The following ASTN1 variants were observed in gnomAD, a reference collection of about 807,000 sequenced individuals.
ASTN1 encodes the protein astrotactin-1.
In ASTN1, 41 loss-of-function variants were observed where a neutral mutation model predicts 140.7. The observed-to-expected ratio is 0.29, with a 90% CI of 0.23 to 0.38. ASTN1 has a LOEUF of 0.38. Ranked by LOEUF, ASTN1 falls within the 10% of genes least tolerant of loss-of-function variation. The pLI is 1.00. For missense variants in ASTN1, 1,479 were observed against 1,678.8 expected (o/e 0.88, Z 2.08); for synonymous variants, 640 against 652.2 (o/e 0.98, Z 0.29).
intron 16 of ASTN1, among the ~76,000 whole-genome samples, chr1:176,915,992 G>A (rs958807724): frequency 6.6e-6 from 1 of 152,208 alleles, no homozygotes; most frequent in African/African-American, 2.4e-5. Context: ...CCCATTCTCA[G>A]TCTTTCACCC....
chr1:177,039,183 G>A (rs1453240722), intron 2 of ASTN1, among the ~76,000 whole-genome samples: 1 of 152,176 alleles, frequency 6.6e-6, no homozygotes, highest in African/African-American at 2.4e-5. Context: ...TACCTTAGGA[G>A]TAAGAAGAAG....
At chr1:177,071,949 C>T (rs1434039718) in intron 1 of ASTN1, among the ~76,000 whole-genome samples, 1 of 152,118 alleles carries the variant, frequency 6.6e-6, no homozygotes, top group African/African-American at 2.4e-5. Context: ...CTTGCAAAGG[C>T]CTTTCTTCTA....
chr1:176,945,405 G>T (rs1044290939), intron 13 of ASTN1, among the ~76,000 whole-genome samples: 1 of 151,820 alleles, frequency 6.6e-6, no homozygotes, highest in Non-Finnish European at 1.5e-5. Context: ...TATATTTTTT[G>T]CAAATTTAAA....
intron 16 of ASTN1, among the ~76,000 whole-genome samples, chr1:176,913,669 C>G (rs1376111578): frequency 6.6e-6 from 1 of 152,212 alleles, no homozygotes; most frequent in Admixed American, 6.5e-5. Flanking sequence ...TGGAAGAATG[C>G]TCTGATAAAG....
At chr1:176,940,626 G>GCTATA (rs1429497214) in intron 14 of ASTN1, among the ~76,000 whole-genome samples, 1 of 152,112 alleles carries the variant, frequency 6.6e-6, no homozygotes, top group Non-Finnish European at 1.5e-5. Flanking sequence ...AGTGATGACG[G>GCTATA]CTATAGCAAA....
At chr1:176,966,104 G>A (rs1405063008) in intron 8 of ASTN1, among the ~76,000 whole-genome samples, 1 of 152,162 alleles carries the variant, frequency 6.6e-6, no homozygotes, top group Non-Finnish European at 1.5e-5. Context: ...CACACACTAG[G>A]TGGATTTAGC....
intron 7 of ASTN1, among the ~76,000 whole-genome samples, chr1:177,017,933 G>A (rs1183263160): frequency 1.3e-5 from 2 of 152,128 alleles, no homozygotes; most frequent in African/African-American, 4.8e-5. Context: ...TGAAGCTAGG[G>A]GTCCTCAGAC....
intron 1 of ASTN1, among the ~76,000 whole-genome samples, chr1:177,097,421 C>T (rs573795917): frequency 1.8e-4 from 28 of 152,096 alleles, no homozygotes; most frequent in Non-Finnish European, 3.8e-4. Flanking sequence ...CCAGTCCCAC[C>T]GTCTATTGAC....
chr1:176,921,102 G>A (rs946423435), intron 16 of ASTN1, among the ~76,000 whole-genome samples: 3 of 152,200 alleles, frequency 2.0e-5, no homozygotes, highest in African/African-American at 7.2e-5. Context: ...TCGTAGAGTA[G>A]ATGGCCATTA....
At chr1:177,142,478 C>T (rs1484434466) in intron 1 of ASTN1, among the ~76,000 whole-genome samples, 3 of 152,104 alleles carry the variant, frequency 2.0e-5, no homozygotes, top group Non-Finnish European at 2.9e-5. Context: ...GGAAAAAGTA[C>T]TTCAGAATCC....
At chr1:176,928,644 C>T (rs1196472422) in intron 16 of ASTN1, among the ~76,000 whole-genome samples, 2 of 152,100 alleles carry the variant, frequency 1.3e-5, no homozygotes, top group Non-Finnish European at 2.9e-5. Context: ...TCACATGCCC[C>T]AAGGCTTGGA....
Position 177,050,057 on chromosome 1 carries a change from T to C in ASTN1, c.471+11021A>G, listed in dbSNP as rs572641344. 1.3e-5 allele frequency among the ~76,000 whole-genome samples: 2 copies of C among 152,322 alleles called. 1 individual carries two copies. The highest frequency in any genetic ancestry group is 4.8e-5 in the African/African-American group (2 of 41,564). On this transcript the variant is annotated intron_variant, in intron 2 of 22. Transcript: ENST00000361833. The stretch of plus-strand genomic sequence containing the variant: ...AGAGCTCTTCTAAGTTGGTTATGTG[T>C]GATAGTTTACCTCACGTAAGAATGT...
In ASTN1 at chr1:177,164,525, T is replaced by C; in HGVS notation, c.152A>G (p.Asn51Ser). 7 of 1,613,460 alleles carry C rather than the reference T, an allele frequency of 4.3e-6. No individual in the cohort carries two copies. The highest frequency in any genetic ancestry group is 5.9e-6 in the Non-Finnish European group (7 of 1,179,892). Residue 51 changes from asparagine (N) to serine (S), a missense_variant, in exon 1 of 23, where the codon AAC becomes AGC. Asn to Ser is a conservative substitution (Grantham distance 46). Around this residue, in one of 3 missense-constraint regions of ASTN1, gnomAD observed 729 missense variants for 860.4 expected, o/e 0.85. Coordinates refer to ENST00000361833, the MANE Select transcript of ASTN1 (RefSeq NM_004319.3). Reference sequence around the variant, plus strand: ...GGGGCTGTGCATGATGCTCAGGTCGTTCTCGCGCAGGAAGGGCAGTGCCGA... The same window carrying C: ...GGGGCTGTGCATGATGCTCAGGTCGCTCTCGCGCAGGAAGGGCAGTGCCGA... ...TVSALPFLRE[N>S]DLSIMHSPSA...
intron 1 of ASTN1, among the ~76,000 whole-genome samples, chr1:177,121,083 C>CATATATATAT (rs58390538): frequency 3.0e-4 from 44 of 149,092 alleles, no homozygotes; most frequent in African/African-American, 9.8e-4. Flanking sequence ...GCTGGTGATA[C>CATATATATAT]ATATATATAT....
At chr1:176,894,421 G>A (rs1259688752) in intron 17 of ASTN1, 141 bp downstream of exon 17, 3 of 1,108,094 alleles carry the variant, frequency 2.7e-6, no homozygotes, top group East Asian at 2.6e-5. Context: ...CAAATTAGGT[G>A]CCCAGATTAG....
chr1:177,126,611 G>A (rs1358601212), intron 1 of ASTN1, among the ~76,000 whole-genome samples: 1 of 152,142 alleles, frequency 6.6e-6, no homozygotes, highest in East Asian at 1.9e-4. Context: ...CAAAGAGTGG[G>A]ATACCTCTGT....
At chr1:177,112,278 G>T (rs1680858507) in intron 1 of ASTN1, among the ~76,000 whole-genome samples, 1 of 152,208 alleles carries the variant, frequency 6.6e-6, no homozygotes, top group African/African-American at 2.4e-5. Flanking sequence ...TTTTGCTGCT[G>T]ACAGTGGCTT....
At chr1:177,101,673 A>G (rs1235455207) in intron 1 of ASTN1, among the ~76,000 whole-genome samples, 1 of 152,178 alleles carries the variant, frequency 6.6e-6, no homozygotes, top group Non-Finnish European at 1.5e-5. Context: ...TGCTTGTGAT[A>G]TGCTTTACAT....
chr1:177,095,737 C>T (rs1252065130), intron 1 of ASTN1, among the ~76,000 whole-genome samples: 1 of 152,200 alleles, frequency 6.6e-6, no homozygotes, highest in Non-Finnish European at 1.5e-5. Flanking sequence ...AAAGACTCCC[C>T]TTCAAAGAGT....
Sources: gnomAD v4.1 joint callset for allele counts (sites outside exome capture counted in the v4.1 genomes callset) on GRCh38, gnomAD v4.1.1 for gene constraint, gnomAD v4.1.1 regional missense constraint, MANE v1.5 for transcripts, NCBI Gene and HGNC (gene_info 2026-07-23, HGNC 2026-07-21) for gene names.